Variants in EYS observed in about 807,000 individuals in gnomAD.
EYS encodes protein eyes shut homolog.
A neutral mutation model predicts 282.1 loss-of-function variants in EYS; 250 were observed. The observed-to-expected ratio is 0.89, with a 90% CI of 0.80 to 0.98. EYS has a LOEUF of 0.98. Among genes scored for constraint, EYS ranks in the 50% least tolerant of loss-of-function variants. The pLI is 0.00. For missense variants in EYS, 4,016 were observed against 3,709.0 expected (o/e 1.08, Z -2.15); for synonymous variants, 1,355 against 1,282.9 (o/e 1.06, Z -1.20).
intron 14 of EYS, among the ~76,000 whole-genome samples, chr6:64,995,460 G>T (rs1771221390): frequency 6.6e-6 from 1 of 152,066 alleles, no homozygotes; most frequent in African/African-American, 2.4e-5. Context: ...CCTGAGGGTA[G>T]TCTTTAGGCC....
At chr6:63,892,677 C>T (rs1306616513) in intron 35 of EYS, among the ~76,000 whole-genome samples, 1 of 152,170 alleles carries the variant, frequency 6.6e-6, no homozygotes, top group Non-Finnish European at 1.5e-5. Flanking sequence ...TGGGCAAAGA[C>T]TTCATGACTG....
chr6:64,994,190 A>G (rs1771171493), intron 14 of EYS, among the ~76,000 whole-genome samples: 1 of 152,040 alleles, frequency 6.6e-6, no homozygotes, highest in Non-Finnish European at 1.5e-5. Flanking sequence ...ATTATATGCT[A>G]GACTTTCAAA....
intron 16 of EYS, among the ~76,000 whole-genome samples, chr6:64,908,214 G>A (rs558555824): frequency 2.4e-4 from 37 of 152,184 alleles, no homozygotes; most frequent in African/African-American, 8.9e-4. Flanking sequence ...GAGCACATAT[G>A]CCAGCAAGTG....
chr6:64,245,432 A>G (rs1766980755), intron 30 of EYS, among the ~76,000 whole-genome samples: 1 of 151,744 alleles, frequency 6.6e-6, no homozygotes, highest in Admixed American at 6.6e-5. Flanking sequence ...CTCTTACCTA[A>G]GCCTCCCAAA....
chr6:63,779,904 G>A (rs1770169695), intron 39 of EYS, among the ~76,000 whole-genome samples: 2 of 151,902 alleles, frequency 1.3e-5, no homozygotes, highest in Admixed American at 6.6e-5. Context: ...GCACTCCCCC[G>A]ACCCCATGAC....
chr6:65,299,500 G>C (rs1263513253), intron 11 of EYS, among the ~76,000 whole-genome samples: 1 of 152,042 alleles, frequency 6.6e-6, no homozygotes, highest in Non-Finnish European at 1.5e-5. Context: ...CGCTTCTGAT[G>C]CATTGGAAGT....
intron 14 of EYS, among the ~76,000 whole-genome samples, chr6:64,966,305 C>T (rs1770092744): frequency 6.6e-6 from 1 of 151,954 alleles, no homozygotes; most frequent in Admixed American, 6.6e-5. Context: ...TATGTTTTGT[C>T]AAAATCTAGA....
In EYS at chr6:65,609,321, C is replaced by T. The variant is rs577077864; in HGVS notation, c.-333+30457G>A. Among the ~76,000 whole-genome samples, 8 of 123,306 alleles carry T rather than the reference C, an allele frequency of 6.5e-5. No homozygotes were observed. The East Asian group carries it at 1.1e-3, about 17-fold the overall frequency. 80.9% of individuals were successfully genotyped at this position (123,306 alleles called of 152,430 possible). A position where few individuals can be genotyped will look rare whatever the true frequency, so the allele number is the denominator to read the frequency against. On this transcript the variant is annotated intron_variant, in intron 2 of 42. Transcript: ENST00000503581. ...CAACTTTACCTGGTGTACAACTGTACGTATCCAAGATAGCCAAAAAAAAAA... is the reference window on the plus strand; with the variant it reads ...CAACTTTACCTGGTGTACAACTGTATGTATCCAAGATAGCCAAAAAAAAAA...
chr6:64,138,705 C>G (rs1774242574), intron 31 of EYS, among the ~76,000 whole-genome samples: 1 of 152,132 alleles, frequency 6.6e-6, no homozygotes, highest in African/African-American at 2.4e-5. Flanking sequence ...CATAATTGTG[C>G]TGTTTTTTCA....
intron 29 of EYS, among the ~76,000 whole-genome samples, chr6:64,371,101 G>C (rs781272176): frequency 3.4e-4 from 52 of 151,888 alleles, no homozygotes; most frequent in Non-Finnish European, 7.1e-4. Context: ...CTCTAATTGT[G>C]ATGTTAGGTT....
At chr6:65,147,271 G>A (rs1246271865) in intron 12 of EYS, among the ~76,000 whole-genome samples, 1 of 151,802 alleles carries the variant, frequency 6.6e-6, no homozygotes, top group Non-Finnish European at 1.5e-5. Context: ...CCATTTGAGG[G>A]ATACATGATT....
chr6:65,546,143 T>C (rs1768376042), intron 2 of EYS, among the ~76,000 whole-genome samples: 1 of 151,154 alleles, frequency 6.6e-6, no homozygotes, highest in African/African-American at 2.4e-5. Flanking sequence ...TTCAGTCTCT[T>C]GAGTAACTGG....
rs573247263 is a variant in EYS, at chr6:65,627,528, G to C, written c.-333+12250C>G. On this transcript the variant is annotated intron_variant, in intron 2 of 42. Coordinates refer to ENST00000503581, the MANE Select transcript of EYS (RefSeq NM_001142800.2). ...CTCAGCTTGCAGGGAGGTGTGGAGGGAGAGGTGCGAGCAGGAACCGGGGCT... is the reference window on the plus strand; with the variant it reads ...CTCAGCTTGCAGGGAGGTGTGGAGGCAGAGGTGCGAGCAGGAACCGGGGCT... Among the ~76,000 whole-genome samples, 87 of 152,272 alleles carry C rather than the reference G, an allele frequency of 5.7e-4. 2 individuals are homozygous for C. The South Asian group carries it at 0.018, about 31-fold the overall frequency.
At chr6:65,093,921 A>G (rs141657919) in intron 12 of EYS, among the ~76,000 whole-genome samples, 154 of 151,862 alleles carry the variant, frequency 1.0e-3, no homozygotes, top group African/African-American at 3.4e-3. Flanking sequence ...ACAGGCTAAA[A>G]GTCAAGAGAT....
At chr6:63,734,654 G>A (rs1009576557) in intron 41 of EYS, among the ~76,000 whole-genome samples, 1 of 151,980 alleles carries the variant, frequency 6.6e-6, no homozygotes, top group Non-Finnish European at 1.5e-5. Context: ...AGGAATCAAG[G>A]GTAACTATGG....
intron 11 of EYS, among the ~76,000 whole-genome samples, chr6:65,322,640 C>T (rs542291380): frequency 6.6e-6 from 1 of 151,976 alleles, no homozygotes; most frequent in African/African-American, 2.4e-5. Flanking sequence ...ACTAAAAATA[C>T]AAAACTTAGC....
chr6:65,645,139 T>C (rs1170054826), intron 1 of EYS, among the ~76,000 whole-genome samples: 1 of 144,110 alleles, frequency 6.9e-6, no homozygotes, highest in Non-Finnish European at 1.5e-5. Flanking sequence ...AGATACAAAG[T>C]CAACAAAGAA....
chr6:64,391,677 A>C (rs1773153165), intron 28 of EYS, among the ~76,000 whole-genome samples: 1 of 152,190 alleles, frequency 6.6e-6, no homozygotes, highest in South Asian at 2.1e-4. Context: ...AATCATGCCA[A>C]AATGTAAAGA....
At chr6:65,404,035 T>C (rs1008481066) in intron 6 of EYS, among the ~76,000 whole-genome samples, 1 of 152,056 alleles carries the variant, frequency 6.6e-6, no homozygotes, top group Admixed American at 6.6e-5. Context: ...AGGTCATAAG[T>C]CTGAAAAGTT....
Sources: allele counts gnomAD v4.1 joint callset (sites outside exome capture counted in the v4.1 genomes callset), GRCh38; gene constraint gnomAD v4.1.1; transcripts MANE v1.5; gene names NCBI Gene and HGNC (gene_info 2026-07-23, HGNC 2026-07-21).